MED13: variants seen among roughly 807,000 people sequenced by gnomAD.
MED13 encodes the protein mediator of RNA polymerase II transcription subunit 13.
MED13 carries 23 observed loss-of-function variants against 225.2 expected under a neutral mutation model. The observed-to-expected ratio is 0.10, with a 90% CI of 0.07 to 0.14. MED13 has a LOEUF of 0.14. Ranked by LOEUF, MED13 falls within the 10% of genes least tolerant of loss-of-function variation. The probability of loss-of-function intolerance (pLI) is 1.00; values close to 1 mark genes in which losing one functional copy is unlikely to be tolerated. For synonymous variants in MED13, 942 were observed against 889.2 expected (o/e 1.06, Z -1.06); for missense variants, 2,197 against 2,594.5 (o/e 0.85, Z 3.33).
At chr17:62,015,580 T>C (rs1370706719) in intron 8 of MED13, among the ~76,000 whole-genome samples, 2 of 151,632 alleles carry the variant, frequency 1.3e-5, no homozygotes, top group African/African-American at 4.8e-5. Context: ...TTTAATTTTA[T>C]TTATTTAACT....
rs191376534 is a variant in MED13, at chr17:61,954,417, C to A, written c.5968+965G>T. Among the ~76,000 whole-genome samples, 320 of 152,228 alleles carry A rather than the reference C, an allele frequency of 2.1e-3. 1 individual carries two copies. Among genetic ancestry groups the A allele is most frequent in the Non-Finnish European group, 1.7e-3 (114 of 68,010 alleles). ...GAGATATATAAAATGAGTTCATGTACAGGTACCTCAAAAGCACAAGGGTAA... is the reference window on the plus strand; with the variant it reads ...GAGATATATAAAATGAGTTCATGTAAAGGTACCTCAAAAGCACAAGGGTAA... On this transcript the variant is annotated intron_variant, in intron 26 of 29. Coordinates refer to ENST00000397786, the MANE Select transcript of MED13 (RefSeq NM_005121.3).
chr17:61,954,005 C>G (rs184763708), intron 26 of MED13, among the ~76,000 whole-genome samples: 2 of 152,224 alleles, frequency 1.3e-5, no homozygotes, highest in Admixed American at 6.5e-5. Context: ...AATATTAGAA[C>G]AATTATAGCA....
chr17:61,949,422 T>C (rs2079878189), intron 28 of MED13, among the ~76,000 whole-genome samples: 1 of 152,104 alleles, frequency 6.6e-6, no homozygotes, highest in Non-Finnish European at 1.5e-5. Context: ...AGACAAAATT[T>C]CACTATGTTG....
intron 16 of MED13, among the ~76,000 whole-genome samples, chr17:61,979,561 A>G: frequency 6.6e-6 from 1 of 152,096 alleles, no homozygotes; most frequent in Non-Finnish European, 1.5e-5. Flanking sequence ...TGCCTGCCTC[A>G]GCCTCCCAAA....
rs1266347455 is a variant in MED13, at chr17:61,945,725, A to C, written c.*743T>G. 2 of 152,646 alleles carry C rather than the reference A, an allele frequency of 1.3e-5. No individual in the cohort carries two copies. The highest frequency in any genetic ancestry group is 2.9e-5 in the Non-Finnish European group (2 of 68,054). The allele number at this position is 152,646 out of a possible 1,614,324, so 9.5% of individuals were successfully genotyped here. On this transcript the variant is annotated 3_prime_UTR_variant, in exon 30 of 30. Transcript: ENST00000397786. ...AACACAGTGAACTTCATTACTGTAC[A>C]TGTACTCTGCAACTACAGCTTAGCT...
intron 11 of MED13, among the ~76,000 whole-genome samples, chr17:61,991,114 T>TTTTA (rs998999318): frequency 1.3e-5 from 2 of 152,138 alleles, no homozygotes; most frequent in South Asian, 2.1e-4. Context: ...ATTTTTCAAT[T>TTTTA]TTTATTTATT....
intron 15 of MED13, among the ~76,000 whole-genome samples, chr17:61,983,426 T>C (rs2080221903): frequency 6.6e-6 from 1 of 152,208 alleles, no homozygotes; most frequent in Admixed American, 6.5e-5. Context: ...TTATATTTCC[T>C]TGATTCTAAG....
chr17:62,003,887 T>C (rs1030879751), intron 9 of MED13: 2 of 152,178 alleles, frequency 1.3e-5, no homozygotes, highest in Admixed American at 6.6e-5. Context: ...GTGAGAAAAA[T>C]GTCAAATAAT....
intron 17 of MED13, among the ~76,000 whole-genome samples, chr17:61,969,664 C>T (rs548158661): frequency 3.3e-5 from 5 of 151,836 alleles, no homozygotes; most frequent in Non-Finnish European, 7.4e-5. Context: ...TGCAGTGGTG[C>T]GATCTCCACT....
At position 62,036,869 on chromosome 17, in the gene MED13, G is replaced by C. The variant is rs74521337; in HGVS notation, c.471-1261C>G. The C allele has an allele frequency of 4.8e-3, 733 of 152,292 alleles. 5 individuals are homozygous for C. The highest frequency in any genetic ancestry group is 0.017 in the African/African-American group (690 of 41,554). 9.4% of individuals were successfully genotyped at this position (152,292 alleles called of 1,614,324 possible). On this transcript the variant is annotated intron_variant, in intron 3 of 29. Coordinates refer to ENST00000397786, the MANE Select transcript of MED13 (RefSeq NM_005121.3). ...AGGTAGTGAGTTACCTCAGTTGACT[G>C]TTCAGTTAGTTGCAGATCAAACTCC...
At chr17:62,053,086 C>T (rs2080969793) in intron 2 of MED13, among the ~76,000 whole-genome samples, 1 of 152,158 alleles carries the variant, frequency 6.6e-6, no homozygotes, top group Non-Finnish European at 1.5e-5. Context: ...TTACTTTGTC[C>T]TAATTCCCCT....
chr17:62,052,570 G>A lies in MED13; in HGVS notation c.437C>T (p.Pro146Leu), dbSNP rs1035529753. The A allele has an allele frequency of 6.3e-7, 1 of 1,590,436 alleles. No individual in the cohort carries two copies. The highest frequency in any genetic ancestry group is 1.3e-5 in the African/African-American group (1 of 74,220). The change falls in exon 3 of 30, where the codon CCT becomes CTT. Residue 146 changes from proline (P) to leucine (L), a missense_variant. Coordinates refer to ENST00000397786, the MANE Select transcript of MED13 (RefSeq NM_005121.3). ...TATAGGTTTTTCATCTTTTTCATAAGGCTTTACAAACCACTTGCCAATACG... is the reference window on the plus strand; with the variant it reads ...TATAGGTTTTTCATCTTTTTCATAAAGCTTTACAAACCACTTGCCAATACG... ...FVRIGKWFVK[P>L]YEKDEKPINK...
intron 10 of MED13, among the ~76,000 whole-genome samples, chr17:61,993,907 G>A (rs1382554644): frequency 6.6e-6 from 1 of 151,140 alleles, no homozygotes; most frequent in Non-Finnish European, 1.5e-5. Flanking sequence ...CTCCAGCCTG[G>A]GCAACAAGAG....
At chr17:62,035,943 AT>A (rs796867327) in intron 3 of MED13, among the ~76,000 whole-genome samples, 8 of 149,952 alleles carry the variant, frequency 5.3e-5, no homozygotes, top group East Asian at 2.0e-4. Context: ...AGTAGGGTCA[AT>A]TTTTTTTTTC....
chr17:62,044,098 G>C (rs2080878050), intron 3 of MED13, among the ~76,000 whole-genome samples: 1 of 151,976 alleles, frequency 6.6e-6, no homozygotes, highest in Non-Finnish European at 1.5e-5. Context: ...ATTTTCAGGG[G>C]AGACTTACAT....
rs1401029547 is a variant in MED13, at chr17:62,015,932, A to T, written c.1284-4699T>A. On this transcript the variant is annotated intron_variant, in intron 8 of 29. Transcript: ENST00000397786. ...ACTATACACATATATATATATATAT[A>T]TATATATATATATATATATATATTT... Among the ~76,000 whole-genome samples the T allele has an allele frequency of 5.2e-4, 4 of 7,718 alleles. No individual in the cohort carries two copies. The East Asian group carries it at 0.025, about 49-fold the overall frequency. 5.1% of individuals were successfully genotyped at this position (7,718 alleles called of 152,430 possible).
At chr17:62,039,507 T>C (rs1603407187) in intron 3 of MED13, among the ~76,000 whole-genome samples, 1 of 151,552 alleles carries the variant, frequency 6.6e-6, no homozygotes, top group South Asian at 2.1e-4. Flanking sequence ...GGTCTCAAAC[T>C]CCTGACCTCA....
At chr17:61,969,524 T>A (rs1374900786) in intron 17 of MED13, among the ~76,000 whole-genome samples, 4 of 151,946 alleles carry the variant, frequency 2.6e-5, no homozygotes, top group Admixed American at 2.6e-4. Flanking sequence ...CATTTAAAAA[T>A]AATATAATTT....
chr17:62,002,307 T>C (rs1159934954), intron 9 of MED13, among the ~76,000 whole-genome samples: 3 of 151,968 alleles, frequency 2.0e-5, no homozygotes, highest in Non-Finnish European at 4.4e-5. Context: ...CTGGCCAACA[T>C]GGCGAAACCC....
Sources: allele counts gnomAD v4.1 joint callset (sites outside exome capture counted in the v4.1 genomes callset), GRCh38; gene constraint gnomAD v4.1.1; transcripts MANE v1.5; gene names NCBI Gene and HGNC (gene_info 2026-07-23, HGNC 2026-07-21).